The following SPMIP6 variants were observed in gnomAD, a reference collection of about 807,000 sequenced individuals.
SPMIP6 encodes sperm microtubule inner protein 6.
At chr9:34,381,136 T>G in the SPMIP6 span, 28 of 1,574,340 alleles carry the variant, frequency 1.8e-5, no homozygotes, top group South Asian at 3.2e-4. This position sits in a 1 kb window ranked among gnomAD's most constrained non-coding sequence, Gnocchi z 4.4. Flanking sequence ...CGCGCTCTGC[T>G]CCCGCGGGTC....
At chr9:34,379,118 A>G in the SPMIP6 span, 1 of 1,613,632 alleles carries the variant, frequency 6.2e-7, no homozygotes, top group South Asian at 1.1e-5. This position sits in a 1 kb window ranked among gnomAD's most constrained non-coding sequence, Gnocchi z 4.2. Context: ...ACACAAACTC[A>G]GGATGGATAA....
At chr9:34,389,690 A>G in the SPMIP6 span, among the ~76,000 whole-genome samples, 2 of 152,186 alleles carry the variant, frequency 1.3e-5, no homozygotes, top group Non-Finnish European at 2.9e-5. Flanking sequence ...GATAGTAACT[A>G]TTCCCATTCG....
At chr9:34,390,769 G>A in the SPMIP6 span, among the ~76,000 whole-genome samples, 2 of 152,148 alleles carry the variant, frequency 1.3e-5, no homozygotes, top group South Asian at 2.1e-4. Flanking sequence ...ATAGGTGTGT[G>A]CCACCACACC....
the SPMIP6 span, chr9:34,381,497 T>A: frequency 6.2e-7 from 1 of 1,612,184 alleles, no homozygotes; most frequent in Non-Finnish European, 8.5e-7. The surrounding 1 kb of genome is among the most constrained non-coding windows in gnomAD (Gnocchi z 4.4). Context: ...AGCTGCTCCC[T>A]TTTAGGGGTC....
At chr9:34,394,157 C>CTATATTAT in the SPMIP6 span, among the ~76,000 whole-genome samples, 5 of 151,962 alleles carry the variant, frequency 3.3e-5, no homozygotes, top group Non-Finnish European at 5.9e-5. Context: ...CATAATTATT[C>CTATATTAT]TATATTATTA....
chr9:34,397,431 A>G, the SPMIP6 span: 1 of 1,505,588 alleles, frequency 6.6e-7, no homozygotes. Context: ...CATTACAAAC[A>G]TACATTGCCA....
At chr9:34,397,589 G>A in the SPMIP6 span, 1 of 1,613,436 alleles carries the variant, frequency 6.2e-7, no homozygotes, top group Non-Finnish European at 8.5e-7. Context: ...AGGAGTCACT[G>A]TAGGTACTGA....
chr9:34,389,845 A>G, the SPMIP6 span: 1 of 152,126 alleles, frequency 6.6e-6, no homozygotes, highest in Non-Finnish European at 1.5e-5. Context: ...GTATATTTTA[A>G]AAATTATGCT....
chr9:34,384,184 C>T, the SPMIP6 span, among the ~76,000 whole-genome samples: 3 of 152,150 alleles, frequency 2.0e-5, no homozygotes, highest in African/African-American at 7.2e-5. Flanking sequence ...TGGGGACATC[C>T]AGATCAAGAT....
chr9:34,391,138 G>T, the SPMIP6 span, among the ~76,000 whole-genome samples: 2 of 152,178 alleles, frequency 1.3e-5, no homozygotes. Context: ...GGAGCATTCA[G>T]ATTTTTTCCA....
At chr9:34,379,272 C>G in the SPMIP6 span, 4 of 798,816 alleles carry the variant, frequency 5.0e-6, no homozygotes, top group Admixed American at 1.9e-5. This position sits in a 1 kb window ranked among gnomAD's most constrained non-coding sequence, Gnocchi z 4.2. Context: ...TATCCCTACA[C>G]TTTGTCTATA....
the SPMIP6 span, chr9:34,381,234 G>C: frequency 3.8e-6 from 6 of 1,567,540 alleles, no homozygotes; most frequent in Non-Finnish European, 5.2e-6. The surrounding 1 kb of genome is among the most constrained non-coding windows in gnomAD (Gnocchi z 4.4). Context: ...AAGCCAGGAC[G>C]GATAGATTCA....
chr9:34,389,751 A>C, the SPMIP6 span, among the ~76,000 whole-genome samples: 1 of 152,184 alleles, frequency 6.6e-6, no homozygotes, highest in Admixed American at 6.5e-5. Flanking sequence ...AAAAGTATTC[A>C]ATAAAGTTTT....
chr9:34,393,614 ATTTAT>A, the SPMIP6 span, among the ~76,000 whole-genome samples: 8 of 151,872 alleles, frequency 5.3e-5, no homozygotes, highest in Non-Finnish European at 8.8e-5. Flanking sequence ...TTGTGGATTC[ATTTAT>A]TTTGTTAGTT....
the SPMIP6 span, chr9:34,380,905 C>T: frequency 1.3e-6 from 2 of 1,575,580 alleles, no homozygotes; most frequent in African/African-American, 1.3e-5. Flanking sequence ...ACCTTACAGT[C>T]GGTTGCTCCC....
the SPMIP6 span, chr9:34,380,655 A>G: frequency 2.0e-6 from 3 of 1,533,408 alleles, no homozygotes; most frequent in Non-Finnish European, 2.6e-6. Flanking sequence ...CCTTGAGCCC[A>G]GTTTGAGAGG....
chr9:34,382,068 T>C, the SPMIP6 span, among the ~76,000 whole-genome samples: 1 of 152,198 alleles, frequency 6.6e-6, no homozygotes, highest in Non-Finnish European at 1.5e-5. Flanking sequence ...GGGAGATTCA[T>C]TGTATCACTG....
chr9:34,380,786 A>G, the SPMIP6 span: 1 of 1,541,484 alleles, frequency 6.5e-7, no homozygotes, highest in East Asian at 2.5e-5. Flanking sequence ...GCGCGGGGCT[A>G]GAGCAGGCTG....
At chr9:34,385,895 A>C in the SPMIP6 span, 2 of 982,412 alleles carry the variant, frequency 2.0e-6, no homozygotes, top group Non-Finnish European at 3.0e-6. Flanking sequence ...GGGTCTCCCA[A>C]CCCCCCTCCC....
Sources: allele counts gnomAD v4.1 joint callset (sites outside exome capture counted in the v4.1 genomes callset), GRCh38; gene constraint gnomAD v4.1.1; non-coding constraint Gnocchi (gnomAD v3.1); transcripts MANE v1.5; gene names NCBI Gene and HGNC (gene_info 2026-07-23, HGNC 2026-07-21).